COG6: variants seen among roughly 807,000 people sequenced by gnomAD.
COG6 encodes the protein conserved oligomeric Golgi complex subunit 6.
Under a neutral mutation model 88.8 loss-of-function variants are expected in COG6, and 74 were observed. That is an observed-to-expected ratio of 0.83 (90% CI 0.69 to 1.01). The LOEUF (loss-of-function observed/expected upper bound fraction) is 1.01, where lower values mean the gene tolerates loss of function less well. COG6 is among the 50% of genes least tolerant of loss of function. The pLI is 0.00. For missense variants in COG6, 800 were observed against 797.9 expected (o/e 1.00, Z -0.03); for synonymous variants, 286 against 278.7 (o/e 1.03, Z -0.26).
chr13:39,770,387 A>G (rs551156824), intron 18 of COG6, among the ~76,000 whole-genome samples: 1 of 152,336 alleles, frequency 6.6e-6, no homozygotes, highest in African/African-American at 2.4e-5. Flanking sequence ...ATGGCCTCTC[A>G]TTAGCCTCCT....
At chr13:39,733,058 T>C (rs1485156398) in intron 18 of COG6, among the ~76,000 whole-genome samples, 2 of 151,732 alleles carry the variant, frequency 1.3e-5, no homozygotes, top group South Asian at 4.2e-4. Flanking sequence ...ACGTCAACTT[T>C]AAATGATCGA....
At chr13:39,723,573 G>C (rs1314871074) in intron 16 of COG6, 133 bp downstream of exon 16, 1 of 667,614 alleles carries the variant, frequency 1.5e-6, no homozygotes, top group African/African-American at 1.8e-5. Context: ...TTATTTTTCT[G>C]TATCTGTTTC....
intron 13 of COG6, among the ~76,000 whole-genome samples, chr13:39,706,255 T>TTATATATATATATACTCCTTTATATATA: frequency 8.7e-6 from 1 of 114,674 alleles, no homozygotes; most frequent in Non-Finnish European, 1.8e-5. Context: ...ATATACTCCT[T>TTATATATATATATACTCCTTTATATATA]TATATATATA....
chr13:39,790,527 A>G (rs1881908678), exon 19 of COG6: 1 of 152,080 alleles, frequency 6.6e-6, no homozygotes, highest in Non-Finnish European at 1.5e-5. Flanking sequence ...TATCTCATAG[A>G]TACTGTTCTT....
intron 18 of COG6, among the ~76,000 whole-genome samples, chr13:39,767,422 G>A (rs1451766335): frequency 1.3e-5 from 2 of 151,968 alleles, no homozygotes; most frequent in African/African-American, 4.8e-5. Flanking sequence ...TTTTTTTCTT[G>A]AAAATATTTT....
intron 18 of COG6, among the ~76,000 whole-genome samples, chr13:39,780,994 C>T (rs1424437769): frequency 1.3e-5 from 2 of 152,186 alleles, no homozygotes; most frequent in Admixed American, 6.5e-5. Context: ...CTCTCTGCAA[C>T]TCTTTGCATG....
At chr13:39,696,261 G>A (rs1306319593) in intron 12 of COG6, among the ~76,000 whole-genome samples, 2 of 151,720 alleles carry the variant, frequency 1.3e-5, no homozygotes, top group East Asian at 3.9e-4. Flanking sequence ...TAGGTGGTAA[G>A]GAAACAGTAA....
chr13:39,754,156 T>C (rs942692251), downstream of COG6, among the ~76,000 whole-genome samples: 3 of 152,168 alleles, frequency 2.0e-5, no homozygotes, highest in African/African-American at 7.2e-5. Flanking sequence ...CTTCCCTGGC[T>C]CTTTTGCCTC....
chr13:39,679,710 T>C lies in COG6; in HGVS notation c.623+90T>C, dbSNP rs963862381. ...TAGATTGTTTGTGAACTATATAGCA[T>C]TTTGTGAAATAGAAGTTTAATCTTT... On this transcript the variant is annotated intron_variant, in intron 6 of 18. Coordinates refer to ENST00000455146, the MANE Select transcript of COG6 (RefSeq NM_020751.3). 127 of 827,706 alleles carry C rather than the reference T, an allele frequency of 1.5e-4. 1 individual carries two copies. The highest frequency in any genetic ancestry group is 1.3e-3 in the South Asian group (94 of 72,270). 51.3% of individuals were successfully genotyped at this position (827,706 alleles called of 1,614,324 possible). A position where few individuals can be genotyped will look rare whatever the true frequency, so the allele number is the denominator to read the frequency against.
At chr13:39,724,288 CTGT>C (rs967374585) in intron 16 of COG6, among the ~76,000 whole-genome samples, 4 of 152,086 alleles carry the variant, frequency 2.6e-5, no homozygotes, top group African/African-American at 9.6e-5. Context: ...CATGATATTT[CTGT>C]TGTTAATAAA....
chr13:39,693,006 T>C (rs1877068756), intron 11 of COG6, among the ~76,000 whole-genome samples: 2 of 152,032 alleles, frequency 1.3e-5, no homozygotes, highest in South Asian at 4.1e-4. Context: ...TACTTTTTAC[T>C]TTTCGTTTCT....
rs1230354305 is a variant in COG6, at chr13:39,723,372, T to C, written c.1624T>C (p.Ser542Pro). The C allele has an allele frequency of 6.2e-7, 1 of 1,611,638 alleles. No individual in the cohort carries two copies. The change falls in exon 16 of 19, where the codon TCT becomes CCT. Residue 542 changes from serine (S) to proline (P), a missense_variant. Ser to Pro is a moderately conservative substitution (Grantham distance 74). Coordinates refer to ENST00000455146, the MANE Select transcript of COG6 (RefSeq NM_020751.3). ...HLDTLINEQA[S>P]YVLTRVGLSY... is the part of the protein sequence containing the mutation. ...GGACACACTTATAAATGAGCAAGCC[T>C]CTTATGTTTTAACTAGGGTAGGCTT...
At chr13:39,682,897 T>C (rs1334990559) in intron 8 of COG6, among the ~76,000 whole-genome samples, 2 of 152,098 alleles carry the variant, frequency 1.3e-5, no homozygotes, top group African/African-American at 4.8e-5. Flanking sequence ...AAGCTTTAGG[T>C]AGATGTAGGG....
At chr13:39,748,900 T>C (rs1370589217) in intron 18 of COG6, among the ~76,000 whole-genome samples, 3 of 152,182 alleles carry the variant, frequency 2.0e-5, no homozygotes, top group Admixed American at 2.0e-4. Flanking sequence ...CTTTCCTTAT[T>C]CCATCCAACT....
At chr13:39,715,048 C>G (rs1878450806) in intron 13 of COG6, among the ~76,000 whole-genome samples, 1 of 151,962 alleles carries the variant, frequency 6.6e-6, no homozygotes, top group Non-Finnish European at 1.5e-5. Context: ...ACTATGGAGA[C>G]TCAGAAGGGG....
intron 13 of COG6, among the ~76,000 whole-genome samples, chr13:39,706,009 TAA>T (rs1316346399): frequency 2.6e-5 from 4 of 151,774 alleles, no homozygotes; most frequent in Non-Finnish European, 5.9e-5. Context: ...TTTAAAAAAA[TAA>T]AAGTGTGTAA....
At chr13:39,705,555 T>C (rs1877845506) in intron 13 of COG6, among the ~76,000 whole-genome samples, 1 of 152,114 alleles carries the variant, frequency 6.6e-6, no homozygotes, top group Admixed American at 6.6e-5. Context: ...CTCACTATAG[T>C]AATAGTGCAG....
intron 4 of COG6, among the ~76,000 whole-genome samples, chr13:39,676,585 G>T (rs572542698): frequency 6.6e-6 from 1 of 152,006 alleles, no homozygotes; most frequent in East Asian, 1.9e-4. Flanking sequence ...CCATCCCAAA[G>T]GTGCAAATAA....
At chr13:39,706,225 ATATACTCCTT>A (rs1289382752) in intron 13 of COG6, among the ~76,000 whole-genome samples, 2 of 124,414 alleles carry the variant, frequency 1.6e-5, no homozygotes, top group Admixed American at 2.0e-4. Flanking sequence ...TTATATATAT[ATATACTCCTT>A]TATATATATA....
Sources: allele counts gnomAD v4.1 joint callset (sites outside exome capture counted in the v4.1 genomes callset), GRCh38; gene constraint gnomAD v4.1.1; transcripts MANE v1.5; gene names NCBI Gene and HGNC (gene_info 2026-07-23, HGNC 2026-07-21).